Variants in PCNX2 observed in about 807,000 individuals in gnomAD.
The protein encoded by PCNX2 is pecanex 2.
PCNX2 carries 168 observed loss-of-function variants against 223.8 expected under a neutral mutation model. The ratio of observed to expected loss-of-function variants is 0.75; its 90% confidence interval spans 0.66 to 0.85. PCNX2 has a LOEUF of 0.85. Ranked by LOEUF, PCNX2 falls within the 40% of genes least tolerant of loss-of-function variation. The pLI, the probability that PCNX2 is intolerant of heterozygous loss-of-function variation, is 0.00. For synonymous variants in PCNX2, 1,006 were observed against 1,052.6 expected (o/e 0.96, Z 0.86); for missense variants, 2,507 against 2,675.5 (o/e 0.94, Z 1.39).
At chr1:233,056,125 T>A (rs1007467289) in intron 24 of PCNX2, among the ~76,000 whole-genome samples, 1 of 152,208 alleles carries the variant, frequency 6.6e-6, no homozygotes, top group Non-Finnish European at 1.5e-5. Context: ...TAATCTTCTA[T>A]GCAGATGAAG....
intron 23 of PCNX2, among the ~76,000 whole-genome samples, chr1:233,073,189 A>G (rs1672933334): frequency 6.6e-6 from 1 of 152,206 alleles, no homozygotes; most frequent in Non-Finnish European, 1.5e-5. Flanking sequence ...AAGGGGTCGT[A>G]GAATTCTCTT....
chr1:233,017,727 C>G (rs10910645), intron 26 of PCNX2, among the ~76,000 whole-genome samples: 5 of 151,924 alleles, frequency 3.3e-5, no homozygotes, highest in Non-Finnish European at 7.4e-5. Context: ...CAGAACTCAT[C>G]TGAGACATTT....
chr1:233,185,268 G>C (rs1456272345), intron 15 of PCNX2, among the ~76,000 whole-genome samples: 2 of 152,004 alleles, frequency 1.3e-5, no homozygotes, highest in Non-Finnish European at 2.9e-5. Context: ...ATTACCTTTA[G>C]AGTTGGAAGG....
chr1:232,988,434 A>C (rs1489310513), intron 32 of PCNX2, among the ~76,000 whole-genome samples: 1 of 144,736 alleles, frequency 6.9e-6, no homozygotes, highest in East Asian at 2.0e-4. Flanking sequence ...TTTTTTTTTA[A>C]TTAATTTTGC....
chr1:233,141,385 G>T (rs566804457), intron 19 of PCNX2, among the ~76,000 whole-genome samples: 223 of 152,350 alleles, frequency 1.5e-3, no homozygotes, highest in African/African-American at 5.3e-3. Context: ...TATGAAGAGA[G>T]ACCGGGTGCG....
At position 233,096,103 on chromosome 1, in the gene PCNX2, A is replaced by T. The variant is rs1674146791; in HGVS notation, c.3838-240T>A. 4.6e-5 allele frequency among the ~76,000 whole-genome samples: 7 copies of T among 152,308 alleles called. No individual in the cohort carries two copies. The South Asian group carries it at 1.5e-3, about 32-fold the overall frequency. ...TAATCTCAACGGATTTATTATTTCA[A>T]CCTATATATATGGTGTATCTCTTTG... On this transcript the variant is annotated intron_variant, in intron 21 of 33. Transcript: ENST00000258229.
chr1:233,284,022 C>G (rs2103022336), intron 1 of PCNX2, among the ~76,000 whole-genome samples: 1 of 152,258 alleles, frequency 6.6e-6, no homozygotes, highest in African/African-American at 2.4e-5. Flanking sequence ...GGACACAACA[C>G]TGACACAGAG....
chr1:233,304,113 CT>C, the PCNX2 span, among the ~76,000 whole-genome samples: 1 of 152,096 alleles, frequency 6.6e-6, no homozygotes, highest in Admixed American at 6.6e-5. Flanking sequence ...GTCATAAACT[CT>C]TAAAACTTTT....
At chr1:233,144,802 T>C (rs1350181533) in intron 19 of PCNX2, among the ~76,000 whole-genome samples, 2 of 152,118 alleles carry the variant, frequency 1.3e-5, no homozygotes, top group Non-Finnish European at 2.9e-5. Flanking sequence ...CCAGTATATG[T>C]ATGAAGAAAA....
At chr1:233,299,195 C>G (rs1662221440), upstream of PCNX2, among the ~76,000 whole-genome samples, 1 of 152,158 alleles carries the variant, frequency 6.6e-6, no homozygotes, top group Non-Finnish European at 1.5e-5. Context: ...AGGAGGAAAC[C>G]TAAATTCCTC....
At chr1:233,276,991 T>G (rs1339697071) in intron 1 of PCNX2, among the ~76,000 whole-genome samples, 1 of 152,240 alleles carries the variant, frequency 6.6e-6, no homozygotes, top group Admixed American at 6.5e-5. Flanking sequence ...CAGGGAATAA[T>G]CCTTCAAGGA....
At chr1:233,112,558 A>G (rs987214908) in intron 21 of PCNX2, among the ~76,000 whole-genome samples, 1 of 152,198 alleles carries the variant, frequency 6.6e-6, no homozygotes, top group African/African-American at 2.4e-5. Context: ...CTCTCTATTA[A>G]TGAAGGCACA....
chr1:233,079,568 T>A (rs945687027), intron 23 of PCNX2, among the ~76,000 whole-genome samples: 4 of 151,832 alleles, frequency 2.6e-5, no homozygotes, highest in African/African-American at 9.7e-5. Context: ...GGAGAAGGAT[T>A]CCTTTGATAA....
At chr1:233,117,358 G>A (rs932233453) in intron 21 of PCNX2, among the ~76,000 whole-genome samples, 24 of 149,820 alleles carry the variant, frequency 1.6e-4, no homozygotes, top group East Asian at 4.0e-4. Context: ...CCGGCCTGGC[G>A]CGGTTGCTCA....
chr1:233,027,238 G>T (rs1168489546), intron 25 of PCNX2, among the ~76,000 whole-genome samples: 1 of 152,178 alleles, frequency 6.6e-6, no homozygotes, highest in Non-Finnish European at 1.5e-5. Flanking sequence ...CAATATGGAG[G>T]TGTATGTTGA....
chr1:233,229,801 TA>T (rs564227328), intron 9 of PCNX2, among the ~76,000 whole-genome samples: 1,664 of 147,950 alleles, frequency 0.011, 12 homozygotes, highest in Non-Finnish European at 0.015. Flanking sequence ...AATCCTTGCT[TA>T]AAAAAAAAAC....
In PCNX2 at chr1:233,001,005, T is replaced by A. The variant is rs1239062417; in HGVS notation, c.5098-470A>T. ...GAGACCATATTTTTAAAGGCCATTT[T>A]TTCCCCTAAAGTTTCAGGCTGATCC... On this transcript the variant is annotated intron_variant, in intron 29 of 33. Coordinates refer to ENST00000258229, the MANE Select transcript of PCNX2 (RefSeq NM_014801.4). The surrounding 1 kb of genome is among the most constrained non-coding windows in gnomAD (Gnocchi z 4.2). Among the ~76,000 whole-genome samples, 1 of 152,182 alleles carries A rather than the reference T, an allele frequency of 6.6e-6. No individual in the cohort carries two copies. The highest frequency in any genetic ancestry group is 1.5e-5 in the Non-Finnish European group (1 of 68,036).
intron 23 of PCNX2, among the ~76,000 whole-genome samples, chr1:233,075,352 A>G (rs58681986): frequency 0.11 from 16,020 of 152,224 alleles, 938 homozygotes; most frequent in East Asian, 0.16. Flanking sequence ...GATTCCATTT[A>G]TATAACATTC....
chr1:233,008,393 A>G (rs573786963), intron 28 of PCNX2, among the ~76,000 whole-genome samples: 2 of 152,338 alleles, frequency 1.3e-5, no homozygotes, highest in African/African-American at 2.4e-5. Flanking sequence ...GGGAGCCAGG[A>G]GCTCCAAACT....
Sources: gnomAD v4.1 joint callset for allele counts (sites outside exome capture counted in the v4.1 genomes callset) on GRCh38, gnomAD v4.1.1 for gene constraint, Gnocchi (gnomAD v3.1) non-coding constraint, MANE v1.5 for transcripts, NCBI Gene and HGNC (gene_info 2026-07-23, HGNC 2026-07-21) for gene names.